Variants in PAPSS1 observed in about 807,000 individuals in gnomAD.
The protein encoded by PAPSS1 is 3'-phosphoadenosine 5'-phosphosulfate synthase 1.
Under a neutral mutation model 72.0 loss-of-function variants are expected in PAPSS1, and 50 were observed. The observed-to-expected ratio is 0.69, with a 90% CI of 0.55 to 0.88. The LOEUF (loss-of-function observed/expected upper bound fraction) is 0.88, where lower values mean the gene tolerates loss of function less well. Among genes scored for constraint, PAPSS1 ranks in the 40% least tolerant of loss-of-function variants. The pLI is 0.00. For synonymous variants in PAPSS1, 261 were observed against 263.6 expected (o/e 0.99, Z 0.09); for missense variants, 657 against 782.2 (o/e 0.84, Z 1.91).
intron 1 of PAPSS1, among the ~76,000 whole-genome samples, chr4:107,713,477 A>G (rs1475263546): frequency 6.6e-6 from 1 of 152,038 alleles, no homozygotes; most frequent in Non-Finnish European, 1.5e-5. Context: ...TATGAAAGAC[A>G]GGCCAGGCAT....
chr4:107,640,047 G>T (rs1560568859), intron 10 of PAPSS1, among the ~76,000 whole-genome samples: 1 of 152,086 alleles, frequency 6.6e-6, no homozygotes, highest in Non-Finnish European at 1.5e-5. Context: ...TAAACCGAGG[G>T]TATAGCTGTT....
intron 11 of PAPSS1, among the ~76,000 whole-genome samples, chr4:107,626,188 A>G (rs1006119184): frequency 3.3e-5 from 5 of 151,866 alleles, no homozygotes; most frequent in African/African-American, 1.2e-4. Context: ...AAAAAAAAAA[A>G]AAAAAAGTAT....
At chr4:107,654,385 C>T (rs1726937940) in intron 8 of PAPSS1, among the ~76,000 whole-genome samples, 1 of 152,216 alleles carries the variant, frequency 6.6e-6, no homozygotes, top group Non-Finnish European at 1.5e-5. Flanking sequence ...TGCCTAAGCA[C>T]ACGACGAGAT....
intron 9 of PAPSS1, among the ~76,000 whole-genome samples, chr4:107,652,387 T>A (rs1208775026): frequency 6.6e-6 from 1 of 152,122 alleles, no homozygotes; most frequent in Non-Finnish European, 1.5e-5. Flanking sequence ...TGCACCAAGG[T>A]AAGCACATCA....
At chr4:107,680,378 G>C (rs199996870) in intron 5 of PAPSS1, among the ~76,000 whole-genome samples, 1 of 147,406 alleles carries the variant, frequency 6.8e-6, no homozygotes, top group Non-Finnish European at 1.5e-5. Context: ...CTTCTCATCA[G>C]AAATGAAGCA....
At chr4:107,629,881 T>C (rs1726187272) in intron 11 of PAPSS1, among the ~76,000 whole-genome samples, 1 of 151,902 alleles carries the variant, frequency 6.6e-6, no homozygotes, top group Non-Finnish European at 1.5e-5. Context: ...CACCAGAGAG[T>C]CCCTCTCCAC....
At chr4:107,657,387 A>T (rs1727046803) in intron 6 of PAPSS1, among the ~76,000 whole-genome samples, 1 of 152,248 alleles carries the variant, frequency 6.6e-6, no homozygotes, top group Admixed American at 6.5e-5. Flanking sequence ...GATAACAGTG[A>T]TGATCTAATA....
chr4:107,713,077 G>C (rs1203682400), intron 1 of PAPSS1, among the ~76,000 whole-genome samples: 1 of 151,856 alleles, frequency 6.6e-6, no homozygotes, highest in Non-Finnish European at 1.5e-5. Context: ...CTCCTGAGTA[G>C]CTGGGATTAC....
At chr4:107,717,600 C>T (rs746353788) in intron 1 of PAPSS1, among the ~76,000 whole-genome samples, 20 of 152,184 alleles carry the variant, frequency 1.3e-4, no homozygotes, top group South Asian at 2.1e-4. Context: ...CTGCTTTTAA[C>T]CACTGTCTCT....
intron 5 of PAPSS1, among the ~76,000 whole-genome samples, chr4:107,670,847 T>C (rs1727448332): frequency 6.6e-6 from 1 of 152,196 alleles, no homozygotes; most frequent in African/African-American, 2.4e-5. Context: ...ATATGCCAGG[T>C]ATAAATCATC....
intron 4 of PAPSS1, among the ~76,000 whole-genome samples, chr4:107,682,942 A>C (rs1294812950): frequency 6.6e-6 from 1 of 152,212 alleles, no homozygotes; most frequent in Non-Finnish European, 1.5e-5. Context: ...ATCACATATA[A>C]TTTTAGTATT....
At chr4:107,677,490 C>G (rs565473983) in intron 5 of PAPSS1, among the ~76,000 whole-genome samples, 55 of 152,246 alleles carry the variant, frequency 3.6e-4, no homozygotes, top group Non-Finnish European at 7.6e-4. Flanking sequence ...AATGAGATAC[C>G]ATCTCACACC....
intron 9 of PAPSS1, among the ~76,000 whole-genome samples, chr4:107,649,602 G>A (rs1321247248): frequency 2.0e-5 from 3 of 152,070 alleles, no homozygotes; most frequent in Admixed American, 6.6e-5. Context: ...ACTTATCATC[G>A]AGATCCACTA....
rs1722738757 is a variant in PAPSS1, at chr4:107,684,980, A to G, written c.550+2059T>C. Among the ~76,000 whole-genome samples the G allele has an allele frequency of 2.6e-5, 4 of 152,000 alleles. No homozygotes were observed. In the South Asian group the frequency reaches 8.3e-4, roughly 32 times the overall value. ...GAGTGCAGTGGCACAATTTCGGCTCACTGCAAGCTCTGCCTCCTGTGTTCA... is the reference window on the plus strand; with the variant it reads ...GAGTGCAGTGGCACAATTTCGGCTCGCTGCAAGCTCTGCCTCCTGTGTTCA... On this transcript the variant is annotated intron_variant, in intron 4 of 11. Coordinates refer to ENST00000265174, the MANE Select transcript of PAPSS1 (RefSeq NM_005443.5).
rs201001460 is a variant in PAPSS1, at chr4:107,626,263, C to A, written c.1736+5368G>T. Among the ~76,000 whole-genome samples the A allele has an allele frequency of 3.9e-5, 6 of 152,066 alleles. No homozygotes were observed. The East Asian group carries it at 1.2e-3, about 29-fold the overall frequency. On this transcript the variant is annotated intron_variant, in intron 11 of 11. Coordinates refer to ENST00000265174, the MANE Select transcript of PAPSS1 (RefSeq NM_005443.5). Reference sequence around the variant, plus strand: ...AATGTGGAAATAACCAGATAACAGGCATTTATGTCCACCTGCCCATTCATT... The same window carrying A: ...AATGTGGAAATAACCAGATAACAGGAATTTATGTCCACCTGCCCATTCATT...
Position 107,654,892 on chromosome 4 carries a change from TGACACCTCCTGCA to T in PAPSS1, c.896-5_903del, listed in dbSNP as rs1323957368. On this transcript the variant is annotated splice_acceptor_variant and splice_polypyrimidine_tract_variant and coding_sequence_variant and intron_variant, in exon 8 of 12. Transcript: ENST00000265174. LOFTEE classifies it high-confidence loss of function. ...AGAACTATAGGTACTGACAAGTTAA[TGACACCTCCTGCA>T]GAGCACAAAAGAACATGAAGCACAC... 6.2e-7 allele frequency: 1 copy of T among 1,613,192 alleles called. No individual in the cohort carries two copies. The highest frequency in any genetic ancestry group is 8.5e-7 in the Non-Finnish European group (1 of 1,179,280).
chr4:107,710,781 G>A (rs1723471458), intron 1 of PAPSS1, among the ~76,000 whole-genome samples: 1 of 152,144 alleles, frequency 6.6e-6, no homozygotes, highest in Admixed American at 6.5e-5. Context: ...GCTCGCTCCT[G>A]TCCATCTGCA....
chr4:107,692,981 C>T (rs1468424833), intron 3 of PAPSS1, among the ~76,000 whole-genome samples: 1 of 152,030 alleles, frequency 6.6e-6, no homozygotes, highest in Non-Finnish European at 1.5e-5. Flanking sequence ...AAACAACACA[C>T]ACTGATGACT....
At chr4:107,634,514 G>C (rs964134525) in intron 10 of PAPSS1, among the ~76,000 whole-genome samples, 1 of 152,028 alleles carries the variant, frequency 6.6e-6, no homozygotes, top group Admixed American at 6.5e-5. Flanking sequence ...CCAAGTAAAT[G>C]GTGGATCATT....
Sources: allele counts gnomAD v4.1 joint callset (sites outside exome capture counted in the v4.1 genomes callset), GRCh38; gene constraint gnomAD v4.1.1; transcripts MANE v1.5; gene names NCBI Gene and HGNC (gene_info 2026-07-23, HGNC 2026-07-21).